CROCC2: variants seen among roughly 807,000 people sequenced by gnomAD.
CROCC2 encodes the protein ciliary rootlet coiled-coil protein 2.
In CROCC2, 163 loss-of-function variants were observed where a neutral mutation model predicts 177.6. That is an observed-to-expected ratio of 0.92 (90% CI 0.81 to 1.05). The LOEUF is 1.05. Ranked by LOEUF, CROCC2 falls within the 50% of genes least tolerant of loss-of-function variation. The pLI is 0.00. For missense variants in CROCC2, 1,929 were observed against 1,797.8 expected, an observed-to-expected ratio of 1.07 and a Z score of -1.32; for synonymous variants, 904 against 787.3, an observed-to-expected ratio of 1.15 and a Z score of -2.48.
chr2:240,983,272 A>G (rs1384537504), intron 28 of CROCC2: 1 of 973,764 alleles, frequency 1.0e-6, no homozygotes, highest in Non-Finnish European at 1.5e-6. Flanking sequence ...TTCTTGCCGT[A>G]CAGTAAGCAC....
chr2:240,917,959 C>A lies in CROCC2; in HGVS notation c.79-767C>A, dbSNP rs1358598152. Reference sequence around the variant, plus strand: ...CCTGCCCGGCAAAATGCCATTAGAGCCCAAGACCCTCAAAACCAGGCTGGG... The same window carrying A: ...CCTGCCCGGCAAAATGCCATTAGAGACCAAGACCCTCAAAACCAGGCTGGG... On this transcript the variant is annotated intron_variant, in intron 1 of 31. Transcript: ENST00000690015. This position sits in a 1 kb window ranked among gnomAD's most constrained non-coding sequence, Gnocchi z 4.9. Among the ~76,000 whole-genome samples, 1 of 152,178 alleles carries A rather than the reference C, an allele frequency of 6.6e-6. No individual in the cohort carries two copies. The highest frequency in any genetic ancestry group is 2.4e-5 in the African/African-American group (1 of 41,450).
intron 25 of CROCC2, 70 bp from the exon 26 acceptor site, chr2:240,967,275 C>G (rs56070244): frequency 0.012 from 6,973 of 600,402 alleles, 369 homozygotes; most frequent in African/African-American, 0.11. Context: ...GGCCCCGACC[C>G]TCTAGCAGAC....
At chr2:240,943,597 C>T (rs937460719) in intron 14 of CROCC2, among the ~76,000 whole-genome samples, 7 of 151,890 alleles carry the variant, frequency 4.6e-5, no homozygotes, top group Non-Finnish European at 1.0e-4. Context: ...AAGCAATTCT[C>T]CTGCCTCAGC....
chr2:240,919,316 G>A (rs111927980), intron 2 of CROCC2, among the ~76,000 whole-genome samples: 191 of 152,260 alleles, frequency 1.3e-3, no homozygotes, highest in Non-Finnish European at 2.0e-3. Context: ...GGCCACCTGC[G>A]TCTCCGCTTC....
At position 240,966,417 on chromosome 2, in the gene CROCC2, G is replaced by T. The variant is rs1024527323; in HGVS notation, c.4146+8G>T. Reference sequence around the variant, plus strand: ...GAAGCCCAGCGGGAGCGGGTAATGGGGGCTGGGGTCCTCCCGCCCACGGCG... The same window carrying T: ...GAAGCCCAGCGGGAGCGGGTAATGGTGGCTGGGGTCCTCCCGCCCACGGCG... On this transcript the variant is annotated splice_region_variant and intron_variant, in intron 25 of 31. Coordinates refer to ENST00000690015, the MANE Select transcript of CROCC2 (RefSeq NM_001351305.2). The T allele has an allele frequency of 7.0e-5, 28 of 400,802 alleles. No individual in the cohort carries two copies. Among genetic ancestry groups the T allele is most frequent in the Non-Finnish European group, 1.2e-4 (27 of 226,492 alleles). The allele number at this position is 400,802 out of a possible 1,614,324, so 24.8% of individuals were successfully genotyped here. A position where few individuals can be genotyped will look rare whatever the true frequency, so the allele number is the denominator to read the frequency against.
intron 27 of CROCC2, among the ~76,000 whole-genome samples, chr2:240,971,415 T>C (rs556599115): frequency 1.3e-5 from 2 of 152,312 alleles, no homozygotes; most frequent in East Asian, 3.9e-4. Context: ...GGGCCGCTCA[T>C]GGCATCTCTC....
At chr2:240,934,202 A>C in intron 11 of CROCC2, 129 bp from the exon 12 acceptor site, 1 of 1,024,522 alleles carries the variant, frequency 9.8e-7, no homozygotes, top group Non-Finnish European at 1.4e-6. Context: ...CTGGTCCTCC[A>C]GGGACTCCAT....
chr2:240,928,628 G>A (rs1222219402), intron 5 of CROCC2, among the ~76,000 whole-genome samples: 1 of 152,228 alleles, frequency 6.6e-6, no homozygotes, highest in Non-Finnish European at 1.5e-5. Context: ...TTGCCAAGAA[G>A]TGTCTCAGCC....
chr2:240,913,544 G>A (rs1359744367), intron 1 of CROCC2, among the ~76,000 whole-genome samples: 1 of 152,228 alleles, frequency 6.6e-6, no homozygotes, highest in Non-Finnish European at 1.5e-5. Flanking sequence ...TGTGTTGGTG[G>A]CATAGAAGGG....
chr2:240,937,460 T>C (rs2059477568), intron 14 of CROCC2, among the ~76,000 whole-genome samples: 1 of 152,206 alleles, frequency 6.6e-6, no homozygotes, highest in Admixed American at 6.5e-5. Flanking sequence ...TTCCCCAAGG[T>C]TGTGGCTGCC....
chr2:240,984,543 GCACTCACTCCACACACACCCAGGCACT>G (rs1189937456), intron 28 of CROCC2, among the ~76,000 whole-genome samples: 3 of 112,958 alleles, frequency 2.7e-5, no homozygotes, highest in Non-Finnish European at 3.7e-5. Flanking sequence ...ACACACCCAG[GCACTCACTCCACACACACCCAGGCACT>G]CACTCCACAC....
intron 22 of CROCC2, 122 bp downstream of exon 22, chr2:240,964,747 G>T: frequency 8.0e-7 from 1 of 1,255,592 alleles, no homozygotes; most frequent in East Asian, 2.6e-5. Flanking sequence ...TCTGTCCCCA[G>T]ACTTTGGGCC....
rs1285697872 is a variant in CROCC2 at position 240,949,687 on chromosome 2, G to A, written c.2637G>A (p.Gln879=). 4 of 1,543,558 alleles carry A rather than the reference G, an allele frequency of 2.6e-6. No individual in the cohort carries two copies. The highest frequency in any genetic ancestry group is 3.5e-6 in the Non-Finnish European group (4 of 1,142,784). The change falls in exon 17 of 32, where the codon CAG becomes CAA. Residue 879 remains glutamine, a synonymous_variant. Transcript: ENST00000690015. The surrounding 1 kb of genome is among the most constrained non-coding windows in gnomAD (Gnocchi z 4.5). ...TGGCCCACCGAGAGGCCCTGGCACA[G>A]CTCCAAAGGGAGAAGGTCTGCTTCC... ...QALAHREALA[Q]LQREKETLSL...
At chr2:240,981,477 C>T (rs1164603756) in intron 27 of CROCC2, 1 of 152,220 alleles carries the variant, frequency 6.6e-6, no homozygotes, top group Non-Finnish European at 1.5e-5. Flanking sequence ...GAGCAACTCA[C>T]TGGGGCCAGT....
At chr2:240,933,387 G>T (rs751235645) in intron 10 of CROCC2, 45 bp downstream of exon 10, 16 of 1,439,444 alleles carry the variant, frequency 1.1e-5, no homozygotes, top group Middle Eastern at 2.5e-4. Flanking sequence ...GGGTGTATGG[G>T]ATCCTGAGGG....
intron 30 of CROCC2, among the ~76,000 whole-genome samples, chr2:240,990,780 C>T (rs539546870): frequency 2.6e-5 from 4 of 152,294 alleles, no homozygotes; most frequent in African/African-American, 9.6e-5. Context: ...GACGGGGTTT[C>T]ACCATGTTGG....
chr2:240,939,149 G>A (rs558563627), intron 14 of CROCC2, among the ~76,000 whole-genome samples: 2 of 152,162 alleles, frequency 1.3e-5, no homozygotes, highest in Admixed American at 1.3e-4. Context: ...TTTCATAGAT[G>A]CCCTTTATCA....
chr2:240,933,326 T>G lies in CROCC2; in HGVS notation c.1447T>G (p.Cys483Gly). ...RLEVQQCRAS[C>G]KLLGREKAAL... Reference sequence around the variant, plus strand: ...CGAGGTGCAGCAGTGCCGGGCATCCTGCAAGCTCCTGGGGAGGTAATGGGG... The same window carrying G: ...CGAGGTGCAGCAGTGCCGGGCATCCGGCAAGCTCCTGGGGAGGTAATGGGG... Residue 483 changes from cysteine to glycine, a missense_variant, in exon 10 of 32, where the codon TGC becomes GGC. By Grantham distance (159) the Cys-to-Gly change is radical. Transcript: ENST00000690015. 1 of 1,527,222 alleles carries G rather than the reference T, an allele frequency of 6.5e-7. No homozygotes were observed. Among genetic ancestry groups the G allele is most frequent in the Middle Eastern group, 2.3e-4 (1 of 4,388 alleles). The allele number at this position is 1,527,222 out of a possible 1,614,324, so 94.6% of individuals were successfully genotyped here.
At position 240,918,107 on chromosome 2, in the gene CROCC2, G is replaced by A. The variant is rs903644708; in HGVS notation, c.79-619G>A. Among the ~76,000 whole-genome samples, 2 of 152,222 alleles carry A rather than the reference G, an allele frequency of 1.3e-5. No homozygotes were observed. The highest frequency in any genetic ancestry group is 2.9e-5 in the Non-Finnish European group (2 of 68,036). ...CTGGGCCTATTGGAGCCTCTTCCCT[G>A]GCAGTCGGCTTTCATGAAGGACCCA... On this transcript the variant is annotated intron_variant, in intron 1 of 31. Coordinates refer to ENST00000690015, the MANE Select transcript of CROCC2 (RefSeq NM_001351305.2). The surrounding 1 kb of genome is among the most constrained non-coding windows in gnomAD (Gnocchi z 6.3).
Sources: gnomAD v4.1 joint callset for allele counts (sites outside exome capture counted in the v4.1 genomes callset) on GRCh38, gnomAD v4.1.1 for gene constraint, Gnocchi (gnomAD v3.1) non-coding constraint, MANE v1.5 for transcripts, NCBI Gene and HGNC (gene_info 2026-07-23, HGNC 2026-07-21) for gene names.